Variants in CLN8 observed in about 807,000 individuals in gnomAD.
CLN8 encodes protein CLN8.
A neutral mutation model predicts 15.7 loss-of-function variants in CLN8; 14 were observed. The ratio of observed to expected loss-of-function variants is 0.89; its 90% CI spans 0.59 to 1.39. The LOEUF (loss-of-function observed/expected upper bound fraction) is 1.39, where lower values mean the gene tolerates loss of function less well. Among genes scored for constraint, CLN8 ranks in the 40% most tolerant of loss-of-function variants. CLN8 has a pLI of 0.00. For missense variants in CLN8, 415 were observed against 364.0 expected (o/e 1.14, Z -1.14); for synonymous variants, 188 against 151.0 (o/e 1.25, Z -1.80).
chr8:1,767,851 G>A (rs538360325), intron 1 of CLN8, among the ~76,000 whole-genome samples: 6 of 152,114 alleles, frequency 3.9e-5, no homozygotes, highest in Non-Finnish European at 7.4e-5. Context: ...GATTACAGGC[G>A]TGCGCCACTG....
At chr8:1,759,054 TA>T (rs1800733331), upstream of CLN8, 1 of 152,236 alleles carries the variant, frequency 6.6e-6, no homozygotes, top group Admixed American at 6.5e-5. Flanking sequence ...CATGTGATGC[TA>T]TACTAGAGTC....
At chr8:1,768,303 C>T (rs563926990) in intron 1 of CLN8, among the ~76,000 whole-genome samples, 13 of 152,172 alleles carry the variant, frequency 8.5e-5, no homozygotes, top group Non-Finnish European at 1.9e-4. Context: ...ACTAAGCCAG[C>T]CGCTCTTCTT....
In CLN8 at chr8:1,783,581, G is replaced by A. The variant is rs1409515181; in HGVS notation, c.*3014G>A. The A allele has an allele frequency of 6.6e-6, 1 of 151,958 alleles. No homozygotes were observed. The highest frequency in any genetic ancestry group is 1.5e-5 in the Non-Finnish European group (1 of 68,068). 9.4% of individuals were successfully genotyped at this position (151,958 alleles called of 1,614,324 possible). ...GGGCCAGGGAGGTTGAGTGACTGAA[G>A]ACCAAGGGTTGGTGCAGCCTCCTCG... On this transcript the variant is annotated 3_prime_UTR_variant, in exon 3 of 3. Coordinates refer to ENST00000331222, the MANE Select transcript of CLN8 (RefSeq NM_018941.4).
In CLN8 at chr8:1,783,346, C is replaced by G. The variant is rs1031697743; in HGVS notation, c.*2779C>G. 2 of 152,264 alleles carry G rather than the reference C, an allele frequency of 1.3e-5. No individual in the cohort carries two copies. The highest frequency in any genetic ancestry group is 4.8e-5 in the African/African-American group (2 of 41,466). The allele number at this position is 152,264 out of a possible 1,614,324, so 9.4% of individuals were successfully genotyped here. A position where few individuals can be genotyped will look rare whatever the true frequency, so the allele number is the denominator to read the frequency against. On this transcript the variant is annotated 3_prime_UTR_variant, in exon 3 of 3. Transcript: ENST00000331222. ...AGTTCACATAACAGGAATTCTGGAACTGCTTGAAAACTAGGACGATTGGGC... is the reference window on the plus strand; with the variant it reads ...AGTTCACATAACAGGAATTCTGGAAGTGCTTGAAAACTAGGACGATTGGGC...
upstream of CLN8, chr8:1,763,750 G>T (rs1421644660): frequency 6.9e-6 from 1 of 145,724 alleles, no homozygotes; most frequent in Non-Finnish European, 1.5e-5. Context: ...GCGCACGCGC[G>T]TGCGAACGCG....
intron 2 of CLN8, among the ~76,000 whole-genome samples, chr8:1,775,014 T>G (rs1801456769): frequency 6.6e-6 from 1 of 152,146 alleles, no homozygotes; most frequent in East Asian, 1.9e-4. Flanking sequence ...TTTTTATATA[T>G]TTTGTATATA....
At chr8:1,755,971 C>T (rs1800660772) in exon 1 of CLN8, 1 of 152,130 alleles carries the variant, frequency 6.6e-6, no homozygotes, top group Non-Finnish European at 1.5e-5. Context: ...ATTTTATTTC[C>T]TAAGTACTGT....
upstream of CLN8, chr8:1,762,514 A>C (rs1800824594): frequency 6.6e-6 from 1 of 152,142 alleles, no homozygotes; most frequent in African/African-American, 2.4e-5. Flanking sequence ...GCCTCCACAC[A>C]CATTTACCCA....
rs2129016384 is a variant in CLN8, at chr8:1,785,171, G to T, written c.*4604G>T. On this transcript the variant is annotated 3_prime_UTR_variant, in exon 3 of 3. Coordinates refer to ENST00000331222, the MANE Select transcript of CLN8 (RefSeq NM_018941.4). Reference sequence around the variant, plus strand: ...GCCCTCACGCCGCTGAACCGCGAGGGTCTCCCGCTCCTCAGGCTTGCGGCT... The same window carrying T: ...GCCCTCACGCCGCTGAACCGCGAGGTTCTCCCGCTCCTCAGGCTTGCGGCT... 1 of 163,122 alleles carries T rather than the reference G, an allele frequency of 6.1e-6. No individual in the cohort carries two copies. Among genetic ancestry groups the T allele is most frequent in the Non-Finnish European group, 1.4e-5 (1 of 73,654 alleles). The allele number at this position is 163,122 out of a possible 1,614,324, so 10.1% of individuals were successfully genotyped here.
In CLN8 at chr8:1,780,752, T is replaced by C. The variant is rs756194521; in HGVS notation, c.*185T>C. 35 of 652,128 alleles carry C rather than the reference T, an allele frequency of 5.4e-5. No individual in the cohort carries two copies. The highest frequency in any genetic ancestry group is 8.0e-5 in the Non-Finnish European group (31 of 386,224). The allele number at this position is 652,128 out of a possible 1,614,324, so 40.4% of individuals were successfully genotyped here. A position where few individuals can be genotyped will look rare whatever the true frequency, so the allele number is the denominator to read the frequency against. ...GCTACAAAGTATTTTTAAGAAATTA[T>C]AATTTTATGACTGTCTGGCAGGCTC... is the stretch of plus-strand genomic sequence containing the variant. On this transcript the variant is annotated 3_prime_UTR_variant, in exon 3 of 3. Coordinates refer to ENST00000331222, the MANE Select transcript of CLN8 (RefSeq NM_018941.4).
upstream of CLN8, among the ~76,000 whole-genome samples, chr8:1,753,948 A>T (rs1800610165): frequency 6.6e-6 from 1 of 152,106 alleles, no homozygotes. Flanking sequence ...TACAGTCCTA[A>T]TCAAGGAGGG....
chr8:1,758,618 T>C (rs1244880116), intron 1 of CLN8: 1 of 152,222 alleles, frequency 6.6e-6, no homozygotes, highest in Non-Finnish European at 1.5e-5. Flanking sequence ...GAGGTGTACA[T>C]GTTGCCAATC....
chr8:1,756,736 G>A (rs1483058068), intron 1 of CLN8, among the ~76,000 whole-genome samples: 1 of 145,238 alleles, frequency 6.9e-6, no homozygotes, highest in East Asian at 2.0e-4. Flanking sequence ...AGGCTGGAGT[G>A]CAATGGCATG....
intron 1 of CLN8, among the ~76,000 whole-genome samples, chr8:1,767,856 C>A (rs1415564173): frequency 6.6e-6 from 1 of 151,938 alleles, no homozygotes; most frequent in Non-Finnish European, 1.5e-5. Flanking sequence ...CAGGCGTGCG[C>A]CACTGCACTC....
At chr8:1,762,057 C>T (rs781318602), upstream of CLN8, 4 of 152,244 alleles carry the variant, frequency 2.6e-5, no homozygotes, top group African/African-American at 9.6e-5. Flanking sequence ...GTTTGGCCTA[C>T]ACCCAGGAAT....
chr8:1,777,850 A>G (rs1801576298), intron 2 of CLN8, among the ~76,000 whole-genome samples: 2 of 152,252 alleles, frequency 1.3e-5, no homozygotes, highest in African/African-American at 4.8e-5. Context: ...TTTTCATCAG[A>G]GAAGGAGTAC....
At chr8:1,756,439 G>A (rs919848393) in intron 1 of CLN8, among the ~76,000 whole-genome samples, 20 of 148,394 alleles carry the variant, frequency 1.3e-4, no homozygotes, top group East Asian at 8.0e-4. Context: ...AGCCGAGACC[G>A]CACCATTTCA....
At chr8:1,776,452 A>G (rs1258086369) in intron 2 of CLN8, among the ~76,000 whole-genome samples, 2 of 148,148 alleles carry the variant, frequency 1.3e-5, no homozygotes, top group African/African-American at 2.5e-5. Context: ...CAATATACAC[A>G]CATGATGATA....
chr8:1,764,376 C>G (rs201866658), intron 1 of CLN8: 1 of 99,626 alleles, frequency 1.0e-5, no homozygotes, highest in Admixed American at 9.3e-5. Flanking sequence ...GCGGAGGCGG[C>G]GCCGTCGCCC....
Sources: allele counts gnomAD v4.1 joint callset (sites outside exome capture counted in the v4.1 genomes callset), GRCh38; gene constraint gnomAD v4.1.1; transcripts MANE v1.5; gene names NCBI Gene and HGNC (gene_info 2026-07-23, HGNC 2026-07-21).